Variants in GMPR observed in about 807,000 individuals in gnomAD.
The protein encoded by GMPR is GMP reductase 1.
Under a neutral mutation model 38.4 loss-of-function variants are expected in GMPR, and 31 were observed. That is an observed-to-expected ratio of 0.81 (90% CI 0.61 to 1.09). GMPR has a LOEUF of 1.09. GMPR is among the 50% of genes least tolerant of loss of function. The pLI is 0.00. For synonymous variants in GMPR, 162 were observed against 173.3 expected (o/e 0.93, Z 0.51); for missense variants, 468 against 453.7 (o/e 1.03, Z -0.29).
At chr6:16,271,565 T>C (rs531650055) in intron 4 of GMPR, among the ~76,000 whole-genome samples, 2 of 152,320 alleles carry the variant, frequency 1.3e-5, no homozygotes, top group South Asian at 4.1e-4. Flanking sequence ...TTTGGTTGTT[T>C]AGCAAGTCAG....
chr6:16,238,669 C>CGCCGCA lies in GMPR; in HGVS notation c.-21_-16dup. On this transcript the variant is annotated 5_prime_UTR_variant, in exon 1 of 9. Coordinates refer to ENST00000259727, the MANE Select transcript of GMPR (RefSeq NM_006877.4). ...GGCGCCCCCGCCCCGCCGTCGCCGC[C>CGCCGCA]GCCGCAGCCAGGAGCCGCTGCACCA... The CGCCGCA allele has an allele frequency of 8.0e-7, 1 of 1,247,974 alleles. No homozygotes were observed. Among genetic ancestry groups the CGCCGCA allele is most frequent in the Non-Finnish European group, 1.0e-6 (1 of 966,430 alleles). 77.3% of individuals were successfully genotyped at this position (1,247,974 alleles called of 1,614,324 possible). A position where few individuals can be genotyped will look rare whatever the true frequency, so the allele number is the denominator to read the frequency against.
In GMPR at chr6:16,247,300, C is replaced by CATT. The variant is rs200423141; in HGVS notation, c.207+339_207+340insATT. On this transcript the variant is annotated intron_variant, in intron 2 of 8. Transcript: ENST00000259727. ...AGAGCTGCTTTGTATGCAGTCCGTG[C>CATT]TGCAGCATTTACTGTATAATTATGT... 6.2e-3 allele frequency among the ~76,000 whole-genome samples: 940 copies of CATT among 152,154 alleles called. 10 individuals carry two copies. The highest frequency in any genetic ancestry group is 0.022 in the African/African-American group (893 of 41,508).
At chr6:16,240,722 A>T (rs1449009737) in intron 1 of GMPR, among the ~76,000 whole-genome samples, 1 of 152,190 alleles carries the variant, frequency 6.6e-6, no homozygotes, top group Non-Finnish European at 1.5e-5. Flanking sequence ...TTGGCTTCAT[A>T]ATTTGGGCAG....
chr6:16,264,942 T>C lies in GMPR; in HGVS notation c.466-9473T>C, dbSNP rs537084189. Among the ~76,000 whole-genome samples, 8 of 152,208 alleles carry C rather than the reference T, an allele frequency of 5.3e-5. 1 individual carries two copies. Among genetic ancestry groups the C allele is most frequent in the Non-Finnish European group, 7.4e-5 (5 of 68,022 alleles). ...CCACATAGGGGTAGGAGAACAGGGA[T>C]TTTTAGAGAACACCTTTGTCAGAAA... is the stretch of plus-strand genomic sequence containing the variant. On this transcript the variant is annotated intron_variant, in intron 4 of 8. Coordinates refer to ENST00000259727, the MANE Select transcript of GMPR (RefSeq NM_006877.4).
At chr6:16,276,125 C>T (rs189627725) in intron 5 of GMPR, among the ~76,000 whole-genome samples, 103 of 151,992 alleles carry the variant, frequency 6.8e-4, no homozygotes, top group African/African-American at 2.4e-3. Flanking sequence ...TTGTGTTGGG[C>T]GGGTGCTGTA....
intron 8 of GMPR, among the ~76,000 whole-genome samples, chr6:16,291,260 G>A (rs1431939493): frequency 2.0e-5 from 3 of 151,996 alleles, no homozygotes; most frequent in Non-Finnish European, 1.5e-5. Flanking sequence ...GTCGTGCTCT[G>A]TCGCCCAGGC....
intron 2 of GMPR, among the ~76,000 whole-genome samples, chr6:16,249,289 C>T (rs1219056034): frequency 1.3e-5 from 2 of 151,022 alleles, no homozygotes; most frequent in Non-Finnish European, 2.9e-5. Context: ...TCTCCTGCCT[C>T]AGCCTCCTGA....
At chr6:16,275,089 GTCATGGGTGGCGCCATTTTC>G (rs1759450412) in intron 5 of GMPR, among the ~76,000 whole-genome samples, 1 of 152,142 alleles carries the variant, frequency 6.6e-6, no homozygotes, top group Non-Finnish European at 1.5e-5. Flanking sequence ...TTCTGTCCTT[GTCATGGGTGGCGCCATTTTC>G]TCATGGGGCA....
intron 4 of GMPR, among the ~76,000 whole-genome samples, chr6:16,265,899 T>A (rs1349982268): frequency 6.6e-6 from 1 of 152,186 alleles, no homozygotes; most frequent in Non-Finnish European, 1.5e-5. Context: ...TAACACTTAC[T>A]GCAAAGATGT....
chr6:16,260,394 G>A (rs1437739416), intron 4 of GMPR, among the ~76,000 whole-genome samples: 2 of 151,996 alleles, frequency 1.3e-5, no homozygotes, highest in African/African-American at 4.8e-5. Context: ...AATGACTGTG[G>A]TGGCCTTCTC....
chr6:16,246,650 G>A (rs946858123), intron 1 of GMPR, among the ~76,000 whole-genome samples, 192 bp from the exon 2 acceptor site: 3 of 152,170 alleles, frequency 2.0e-5, no homozygotes, highest in South Asian at 2.1e-4. Flanking sequence ...GAGAGCTTCC[G>A]ATTCCGAGGC....
At chr6:16,266,340 C>T (rs1317732168) in intron 4 of GMPR, among the ~76,000 whole-genome samples, 3 of 150,296 alleles carry the variant, frequency 2.0e-5, no homozygotes, top group East Asian at 2.0e-4. Context: ...TCTGGGTGCG[C>T]CACCTTTAAG....
chr6:16,239,816 G>T (rs201337948), intron 1 of GMPR, among the ~76,000 whole-genome samples: 29 of 152,254 alleles, frequency 1.9e-4, no homozygotes, highest in Admixed American at 9.8e-4. Flanking sequence ...GGAAGCCTCC[G>T]CGTTAGCCAA....
intron 4 of GMPR, among the ~76,000 whole-genome samples, chr6:16,270,357 G>A (rs1561829574): frequency 6.6e-6 from 1 of 152,156 alleles, no homozygotes; most frequent in African/African-American, 2.4e-5. Flanking sequence ...CCCAAGAAAT[G>A]AACCTGCATG....
chr6:16,254,355 G>A (rs1197638459), intron 3 of GMPR, among the ~76,000 whole-genome samples: 2 of 152,206 alleles, frequency 1.3e-5, no homozygotes, highest in Admixed American at 6.5e-5. Flanking sequence ...ATGAGCCACC[G>A]TGCCTGGCCA....
intron 4 of GMPR, among the ~76,000 whole-genome samples, chr6:16,255,954 G>A (rs560169204): frequency 1.6e-4 from 24 of 152,258 alleles, no homozygotes; most frequent in Admixed American, 3.3e-4. Flanking sequence ...AGTGGCTCAC[G>A]ACTGTAATCC....
chr6:16,265,850 G>A (rs764261412), intron 4 of GMPR, among the ~76,000 whole-genome samples: 2 of 152,154 alleles, frequency 1.3e-5, no homozygotes, highest in Admixed American at 1.3e-4. Context: ...TTCGCTTGCT[G>A]CTGCTCGCTC....
intron 3 of GMPR, 134 bp from the exon 4 acceptor site, chr6:16,254,428 G>A (rs1222625910): frequency 5.8e-6 from 4 of 690,228 alleles, no homozygotes; most frequent in Non-Finnish European, 1.0e-5. Context: ...TCTTGAGCAG[G>A]TGCACTGTGC....
chr6:16,284,791 G>A (rs1759642837), intron 6 of GMPR, among the ~76,000 whole-genome samples: 1 of 152,040 alleles, frequency 6.6e-6, no homozygotes, highest in Non-Finnish European at 1.5e-5. Flanking sequence ...AGGCCGAGGT[G>A]GGCGGATCAC....
Sources: allele counts gnomAD v4.1 joint callset (sites outside exome capture counted in the v4.1 genomes callset), GRCh38; gene constraint gnomAD v4.1.1; transcripts MANE v1.5; gene names NCBI Gene and HGNC (gene_info 2026-07-23, HGNC 2026-07-21).